The following PRKG1 variants were observed in gnomAD, a reference collection of about 807,000 sequenced individuals.
PRKG1 encodes cGMP-dependent protein kinase 1.
PRKG1 carries 35 observed loss-of-function variants against 88.1 expected under a neutral mutation model. The ratio of observed to expected loss-of-function variants is 0.40; its 90% CI spans 0.30 to 0.53. PRKG1 has a LOEUF of 0.53. Among genes scored for constraint, PRKG1 ranks in the 20% least tolerant of loss-of-function variants. The pLI is 0.59. For synonymous variants in PRKG1, 303 were observed against 292.5 expected (o/e 1.04, Z -0.37); for missense variants, 540 against 839.8 (o/e 0.64, Z 4.41).
At chr10:51,065,906 G>C (rs182092065) in intron 1 of PRKG1, among the ~76,000 whole-genome samples, 11 of 152,200 alleles carry the variant, frequency 7.2e-5, no homozygotes, top group African/African-American at 2.6e-4. Flanking sequence ...TTGTGATAAA[G>C]TGCTTTTAGA....
chr10:51,446,893 G>A (rs931346279), intron 2 of PRKG1, among the ~76,000 whole-genome samples: 2 of 151,980 alleles, frequency 1.3e-5, no homozygotes, highest in East Asian at 3.9e-4. Flanking sequence ...TTTCTCATCT[G>A]AGAGACAAAC....
At chr10:52,122,776 A>G (rs1847849281) in intron 7 of PRKG1, among the ~76,000 whole-genome samples, 1 of 152,198 alleles carries the variant, frequency 6.6e-6, no homozygotes, top group South Asian at 2.1e-4. Context: ...GCCAGCTATA[A>G]TGGAATGTAA....
At chr10:51,578,688 T>A (rs982172281) in intron 3 of PRKG1, among the ~76,000 whole-genome samples, 1 of 152,166 alleles carries the variant, frequency 6.6e-6, no homozygotes, top group African/African-American at 2.4e-5. Context: ...TTAATGTCTT[T>A]TAATAATAGC....
chr10:51,004,021 A>G (rs1842915807), intron 1 of PRKG1, among the ~76,000 whole-genome samples: 1 of 152,108 alleles, frequency 6.6e-6, no homozygotes, highest in Non-Finnish European at 1.5e-5. Flanking sequence ...ACATTTTCTC[A>G]TATGTTATTT....
chr10:51,968,754 C>T lies in PRKG1; in HGVS notation c.762+61184C>T, dbSNP rs12411691. Among the ~76,000 whole-genome samples, 456 of 146,952 alleles carry T rather than the reference C, an allele frequency of 3.1e-3. 14 individuals carry two copies. Among genetic ancestry groups the T allele is most frequent in the Admixed American group, 0.029 (412 of 14,236 alleles). On this transcript the variant is annotated intron_variant, in intron 5 of 17. Coordinates refer to ENST00000373980, the MANE Select transcript of PRKG1 (RefSeq NM_006258.4). Reference sequence around the variant, plus strand: ...AGGATAATCGCTTAAATCCAGGAGGCGGAGGTTGCAGTGAGCCAAGATCAT... The same window carrying T: ...AGGATAATCGCTTAAATCCAGGAGGTGGAGGTTGCAGTGAGCCAAGATCAT...
rs757376776 is a variant in PRKG1 at position 51,561,094 on chromosome 10, AAAAAG to A, written c.592+93273_592+93277del. Among the ~76,000 whole-genome samples, 160 of 152,074 alleles carry A rather than the reference AAAAAG, an allele frequency of 1.1e-3. 1 individual carries two copies. The highest frequency in any genetic ancestry group is 3.4e-3 in the Middle Eastern group (1 of 294). On this transcript the variant is annotated intron_variant, in intron 3 of 17. Transcript: ENST00000373980. ...AGACCCTGTATCTAAAAAAAAGAAG[AAAAAG>A]AAAAGAAAAGAAAAAGAAAAAAAGA...
intron 1 of PRKG1, among the ~76,000 whole-genome samples, chr10:51,065,608 A>G (rs1843740143): frequency 6.6e-6 from 1 of 152,146 alleles, no homozygotes; most frequent in African/African-American, 2.4e-5. Context: ...ATTACACAAC[A>G]CCATCAATAA....
At chr10:51,612,145 T>G (rs558843355) in intron 3 of PRKG1, among the ~76,000 whole-genome samples, 1 of 152,120 alleles carries the variant, frequency 6.6e-6, no homozygotes, top group Non-Finnish European at 1.5e-5. Flanking sequence ...TCATAAACAT[T>G]TGAAAGATTA....
Position 51,102,465 on chromosome 10 carries a change from CAG to C in PRKG1, c.311+27567_311+27568del, listed in dbSNP as rs1339064988. Among the ~76,000 whole-genome samples, 4 of 151,970 alleles carry C rather than the reference CAG, an allele frequency of 2.6e-5. No individual in the cohort carries two copies. In the East Asian group the frequency reaches 7.7e-4, roughly 29 times the overall value. ...AAAAAAAAACAGGCAGAATTAAAGG[CAG>C]AGTCTTTCAACCTAAAAAGTTAGAA... On this transcript the variant is annotated intron_variant, in intron 1 of 17. Transcript: ENST00000373980.
At chr10:51,607,351 TG>T (rs1222910904) in intron 3 of PRKG1, among the ~76,000 whole-genome samples, 1 of 152,198 alleles carries the variant, frequency 6.6e-6, no homozygotes, top group African/African-American at 2.4e-5. Flanking sequence ...TGAGACTTTG[TG>T]GGCTAAGAGG....
At chr10:51,687,549 T>C (rs1388938811) in intron 3 of PRKG1, among the ~76,000 whole-genome samples, 1 of 152,254 alleles carries the variant, frequency 6.6e-6, no homozygotes, top group African/African-American at 2.4e-5. Flanking sequence ...GGGAAAGACA[T>C]TTACAAAAGA....
chr10:51,728,879 G>A (rs536789830), intron 3 of PRKG1, among the ~76,000 whole-genome samples: 1 of 152,314 alleles, frequency 6.6e-6, no homozygotes, highest in South Asian at 2.1e-4. Flanking sequence ...GATCTAAAAT[G>A]TAGTTAAATA....
chr10:51,942,087 A>G (rs1328076743), intron 5 of PRKG1, among the ~76,000 whole-genome samples: 2 of 151,788 alleles, frequency 1.3e-5, no homozygotes, highest in African/African-American at 4.9e-5. Context: ...AAGTGTTCCT[A>G]TTTCTCCACA....
At chr10:52,170,915 G>A (rs1302334186) in intron 9 of PRKG1, among the ~76,000 whole-genome samples, 1 of 152,104 alleles carries the variant, frequency 6.6e-6, no homozygotes, top group African/African-American at 2.4e-5. Context: ...TGTTGTTCAG[G>A]CCTTTGAAAA....
At chr10:51,480,267 CTGA>C in intron 3 of PRKG1, among the ~76,000 whole-genome samples, 1 of 152,264 alleles carries the variant, frequency 6.6e-6, no homozygotes, top group East Asian at 1.9e-4. Context: ...ATTTCGTAAA[CTGA>C]CACTCACAGT....
At chr10:51,752,403 C>T (rs554480092) in intron 3 of PRKG1, among the ~76,000 whole-genome samples, 15 of 152,258 alleles carry the variant, frequency 9.9e-5, no homozygotes, top group South Asian at 4.1e-4. Context: ...TTAGAGATAG[C>T]AGCTATTCTA....
intron 1 of PRKG1, among the ~76,000 whole-genome samples, chr10:51,054,178 A>G (rs1843600706): frequency 1.3e-5 from 2 of 152,124 alleles, no homozygotes; most frequent in African/African-American, 4.8e-5. Flanking sequence ...ACACATACAT[A>G]CACATTTATT....
intron 2 of PRKG1, among the ~76,000 whole-genome samples, chr10:51,399,945 G>T (rs1837690552): frequency 6.6e-6 from 1 of 152,140 alleles, no homozygotes; most frequent in African/African-American, 2.4e-5. Flanking sequence ...TTGGCTGTAG[G>T]AGTTCTGGCT....
At chr10:51,374,830 C>T (rs768330000) in intron 2 of PRKG1, among the ~76,000 whole-genome samples, 3 of 152,176 alleles carry the variant, frequency 2.0e-5, no homozygotes, top group Non-Finnish European at 2.9e-5. Flanking sequence ...CTTCTAAGCT[C>T]ACGTGAGTGT....
Sources: allele counts gnomAD v4.1 joint callset (sites outside exome capture counted in the v4.1 genomes callset), GRCh38; gene constraint gnomAD v4.1.1; transcripts MANE v1.5; gene names NCBI Gene and HGNC (gene_info 2026-07-23, HGNC 2026-07-21).